The following HHAT variants were observed in gnomAD, a reference collection of about 807,000 sequenced individuals.
HHAT encodes the protein protein-cysteine N-palmitoyltransferase HHAT.
Under a neutral mutation model 70.8 loss-of-function variants are expected in HHAT, and 47 were observed. The ratio of observed to expected loss-of-function variants is 0.66; its 90% CI spans 0.53 to 0.85. The LOEUF is 0.85. Among genes scored for constraint, HHAT ranks in the 40% least tolerant of loss-of-function variants. The pLI is 0.00. For synonymous variants in HHAT, 228 were observed against 247.6 expected, an observed-to-expected ratio of 0.92 and a Z score of 0.74; for missense variants, 609 against 604.8, an observed-to-expected ratio of 1.01 and a Z score of -0.07.
intron 2 of HHAT, among the ~76,000 whole-genome samples, chr1:210,350,340 C>T (rs1269402774): frequency 6.6e-6 from 1 of 152,212 alleles, no homozygotes; most frequent in Non-Finnish European, 1.5e-5. Flanking sequence ...ATTGTGGTTG[C>T]ATTGAATCTA....
chr1:210,439,422 A>G (rs561075104), intron 7 of HHAT, among the ~76,000 whole-genome samples: 8 of 151,920 alleles, frequency 5.3e-5, no homozygotes, highest in African/African-American at 1.5e-4. Flanking sequence ...TTCCAAACTC[A>G]TACAGTCAGC....
chr1:210,495,371 A>C (rs2094619911), intron 8 of HHAT, among the ~76,000 whole-genome samples: 1 of 152,034 alleles, frequency 6.6e-6, no homozygotes, highest in Admixed American at 6.5e-5. Flanking sequence ...CAGGAATCAG[A>C]AGGCCTGAGG....
chr1:210,571,737 T>G (rs913111675), intron 9 of HHAT, among the ~76,000 whole-genome samples: 1 of 152,204 alleles, frequency 6.6e-6, no homozygotes, highest in Admixed American at 6.5e-5. Flanking sequence ...AGTGGCTGTT[T>G]CCTAGCCTGG....
At chr1:210,542,991 G>A (rs1304601186) in intron 9 of HHAT, among the ~76,000 whole-genome samples, 1 of 152,144 alleles carries the variant, frequency 6.6e-6, no homozygotes, top group Non-Finnish European at 1.5e-5. Flanking sequence ...TGGCACCGCT[G>A]TTCACAGACA....
At chr1:210,526,976 C>T (rs2095257956) in intron 9 of HHAT, among the ~76,000 whole-genome samples, 1 of 152,104 alleles carries the variant, frequency 6.6e-6, no homozygotes, top group Non-Finnish European at 1.5e-5. Flanking sequence ...TCTTTGACCC[C>T]AGTTCCTGAT....
intron 10 of HHAT, among the ~76,000 whole-genome samples, chr1:210,592,118 C>G (rs546887473): frequency 6.6e-6 from 1 of 152,060 alleles, no homozygotes; most frequent in Non-Finnish European, 1.5e-5. Context: ...CTCCAGTGTC[C>G]TGGCAAGTTT....
chr1:210,667,674 T>C (rs1443877199), intron 11 of HHAT, among the ~76,000 whole-genome samples: 1 of 152,152 alleles, frequency 6.6e-6, no homozygotes, highest in African/African-American at 2.4e-5. Flanking sequence ...AAAAGATTCC[T>C]AGGGCCCCTG....
intron 6 of HHAT, among the ~76,000 whole-genome samples, chr1:210,405,332 TTTC>T (rs1004312069): frequency 2.0e-5 from 3 of 152,038 alleles, no homozygotes; most frequent in African/African-American, 7.3e-5. Context: ...TGTTTAGAAC[TTTC>T]TTTTTTTTCT....
At chr1:210,518,113 C>T (rs548578533) in intron 9 of HHAT, among the ~76,000 whole-genome samples, 5 of 150,172 alleles carry the variant, frequency 3.3e-5, no homozygotes, top group Non-Finnish European at 7.3e-5. Flanking sequence ...AGCCTCTCTT[C>T]TAACTATTTG....
At chr1:210,526,440 G>A (rs1174212436) in intron 9 of HHAT, among the ~76,000 whole-genome samples, 2 of 150,044 alleles carry the variant, frequency 1.3e-5, no homozygotes, top group African/African-American at 4.9e-5. Flanking sequence ...TCAACAGGGG[G>A]AGCGCATGAT....
intron 7 of HHAT, among the ~76,000 whole-genome samples, chr1:210,451,626 T>C (rs2093758251): frequency 6.6e-6 from 1 of 152,230 alleles, no homozygotes; most frequent in Non-Finnish European, 1.5e-5. Context: ...TTACCTAGGC[T>C]GAGGTGCAGT....
At chr1:210,504,021 A>G (rs2094807978) in intron 8 of HHAT, among the ~76,000 whole-genome samples, 3 of 152,190 alleles carry the variant, frequency 2.0e-5, no homozygotes, top group South Asian at 2.1e-4. Context: ...ACATCAATCA[A>G]TTGGATTTTT....
chr1:210,613,652 G>T (rs1215182826), intron 10 of HHAT, among the ~76,000 whole-genome samples: 1 of 152,154 alleles, frequency 6.6e-6, no homozygotes, highest in Non-Finnish European at 1.5e-5. Context: ...TTTTTCCAAA[G>T]AATGTCATTG....
chr1:210,405,191 C>T (rs2092278192), intron 6 of HHAT, among the ~76,000 whole-genome samples: 1 of 152,116 alleles, frequency 6.6e-6, no homozygotes, highest in African/African-American at 2.4e-5. Flanking sequence ...AGTTCGAAGG[C>T]AGTGGTGTGT....
intron 1 of HHAT, among the ~76,000 whole-genome samples, chr1:210,338,197 G>T (rs2085685649): frequency 6.7e-6 from 1 of 150,278 alleles, no homozygotes; most frequent in African/African-American, 2.4e-5. Context: ...AAAAAAAAAT[G>T]GGTGTAGTGG....
intron 11 of HHAT, among the ~76,000 whole-genome samples, chr1:210,643,559 G>A (rs1297747684): frequency 6.6e-6 from 1 of 152,168 alleles, no homozygotes; most frequent in Non-Finnish European, 1.5e-5. Flanking sequence ...TCTTTTGTAA[G>A]GCATCATGGT....
At chr1:210,484,498 T>A (rs1572758238) in intron 8 of HHAT, among the ~76,000 whole-genome samples, 1 of 151,856 alleles carries the variant, frequency 6.6e-6, no homozygotes, top group East Asian at 1.9e-4. Flanking sequence ...TAGCTACTTT[T>A]TTTTTTTTTT....
chr1:210,614,056 A>C (rs185288470), intron 10 of HHAT, among the ~76,000 whole-genome samples: 3 of 150,366 alleles, frequency 2.0e-5, no homozygotes, highest in Non-Finnish European at 4.4e-5. Context: ...CCTCCCATCT[A>C]TGAACGTGGG....
At chr1:210,365,200 T>C (rs2088791423) in intron 3 of HHAT, among the ~76,000 whole-genome samples, 1 of 152,078 alleles carries the variant, frequency 6.6e-6, no homozygotes, top group Admixed American at 6.5e-5. Flanking sequence ...AAGAAGATAT[T>C]AGATGTGACT....
Sources: allele counts gnomAD v4.1 joint callset (sites outside exome capture counted in the v4.1 genomes callset), GRCh38; gene constraint gnomAD v4.1.1; transcripts MANE v1.5; gene names NCBI Gene and HGNC (gene_info 2026-07-23, HGNC 2026-07-21).